ZNF385B: variants seen among roughly 807,000 people sequenced by gnomAD.
ZNF385B encodes zinc finger protein 385B, also known as zinc finger protein 533.
A neutral mutation model predicts 39.2 loss-of-function variants in ZNF385B; 23 were observed. The ratio of observed to expected loss-of-function variants is 0.59; its 90% CI spans 0.42 to 0.83. The LOEUF (loss-of-function observed/expected upper bound fraction) is 0.83, where lower values mean the gene tolerates loss of function less well. Ranked by LOEUF, ZNF385B falls within the 40% of genes least tolerant of loss-of-function variation. The pLI is 0.00. For missense variants in ZNF385B, 552 were observed against 598.9 expected (o/e 0.92, Z 0.82); for synonymous variants, 205 against 222.6 (o/e 0.92, Z 0.70).
chr2:179,856,185 A>C (rs563484650), intron 1 of ZNF385B, among the ~76,000 whole-genome samples: 69 of 152,268 alleles, frequency 4.5e-4, no homozygotes, highest in African/African-American at 1.5e-3. Flanking sequence ...GGGAATATTC[A>C]TTTTCTTAAG....
intron 3 of ZNF385B, among the ~76,000 whole-genome samples, chr2:179,616,493 C>T (rs930844425): frequency 2.6e-5 from 4 of 151,918 alleles, no homozygotes; most frequent in Admixed American, 1.3e-4. Flanking sequence ...GTCACCACGC[C>T]GGGCTAATTT....
chr2:179,691,775 C>T (rs1015948400), intron 3 of ZNF385B, among the ~76,000 whole-genome samples: 1 of 151,944 alleles, frequency 6.6e-6, no homozygotes, highest in African/African-American at 2.4e-5. Flanking sequence ...CACATTTAAA[C>T]TAAAAATTAT....
chr2:179,470,018 G>A (rs111612390), intron 6 of ZNF385B, among the ~76,000 whole-genome samples: 127 of 152,266 alleles, frequency 8.3e-4, no homozygotes, highest in African/African-American at 2.6e-3. Flanking sequence ...ACAAGCGGCC[G>A]CCTGAACTTT....
intron 3 of ZNF385B, among the ~76,000 whole-genome samples, chr2:179,734,638 C>A (rs1039566418): frequency 6.6e-6 from 1 of 152,094 alleles, no homozygotes; most frequent in Admixed American, 6.5e-5. Context: ...TATCATATGC[C>A]AGGTATTATA....
chr2:179,594,631 T>C (rs1007883366), intron 3 of ZNF385B, among the ~76,000 whole-genome samples: 1 of 152,180 alleles, frequency 6.6e-6, no homozygotes, highest in African/African-American at 2.4e-5. Context: ...AAGCCCATTA[T>C]ATGCTGATGT....
At chr2:179,842,595 G>A (rs929798150) in intron 1 of ZNF385B, among the ~76,000 whole-genome samples, 3 of 152,022 alleles carry the variant, frequency 2.0e-5, no homozygotes, top group Non-Finnish European at 4.4e-5. Context: ...GAGTTTCCTT[G>A]TAAGATTTTA....
chr2:179,753,150 A>G (rs554978419), intron 3 of ZNF385B, among the ~76,000 whole-genome samples: 1 of 152,314 alleles, frequency 6.6e-6, no homozygotes, highest in African/African-American at 2.4e-5. Context: ...CTTTCTACAT[A>G]TGGTTAGCCA....
intron 1 of ZNF385B, among the ~76,000 whole-genome samples, chr2:179,800,519 C>A (rs1279146592): frequency 6.6e-6 from 1 of 152,014 alleles, no homozygotes; most frequent in Non-Finnish European, 1.5e-5. Context: ...CCTAAGCTCA[C>A]ATGTAAAAAT....
At chr2:179,724,069 G>T (rs1700854555) in intron 3 of ZNF385B, among the ~76,000 whole-genome samples, 1 of 152,140 alleles carries the variant, frequency 6.6e-6, no homozygotes, top group Non-Finnish European at 1.5e-5. Flanking sequence ...AGCACTTTGG[G>T]AGGCCAACGC....
chr2:179,790,160 A>T (rs1705240358), intron 1 of ZNF385B, among the ~76,000 whole-genome samples: 2 of 152,212 alleles, frequency 1.3e-5, no homozygotes, highest in Admixed American at 1.3e-4. Context: ...TATGGATCTC[A>T]GTTCCTTCCA....
At chr2:179,454,355 A>C (rs187090862) in intron 6 of ZNF385B, among the ~76,000 whole-genome samples, 1 of 152,284 alleles carries the variant, frequency 6.6e-6, no homozygotes, top group East Asian at 1.9e-4. Context: ...GTGTGAACAA[A>C]CCTACTGTGC....
At chr2:179,563,001 G>T (rs1684108542) in intron 3 of ZNF385B, among the ~76,000 whole-genome samples, 1 of 152,130 alleles carries the variant, frequency 6.6e-6, no homozygotes, top group African/African-American at 2.4e-5. Flanking sequence ...TAGGCCTGAA[G>T]AATTTGTTTC....
At chr2:179,493,427 A>C (rs1291198531) in intron 5 of ZNF385B, among the ~76,000 whole-genome samples, 3 of 151,636 alleles carry the variant, frequency 2.0e-5, no homozygotes, top group African/African-American at 7.2e-5. Context: ...GCATGTGTAC[A>C]TATATGTACG....
chr2:179,565,667 ATGCG>A (rs1413341203), intron 3 of ZNF385B, among the ~76,000 whole-genome samples: 2 of 152,186 alleles, frequency 1.3e-5, no homozygotes, highest in Non-Finnish European at 2.9e-5. Context: ...TACACACTTT[ATGCG>A]TTCTATCACT....
chr2:179,533,896 T>C (rs1048536803), intron 4 of ZNF385B, among the ~76,000 whole-genome samples: 1 of 152,196 alleles, frequency 6.6e-6, no homozygotes, highest in African/African-American at 2.4e-5. Flanking sequence ...GGGACACAGC[T>C]CTCAGGTTCA....
At chr2:179,512,241 T>TTAA (rs1261412474) in intron 5 of ZNF385B, among the ~76,000 whole-genome samples, 3 of 152,074 alleles carry the variant, frequency 2.0e-5, no homozygotes, top group Admixed American at 6.6e-5. Flanking sequence ...GAGATCAATA[T>TTAA]TAATAATAAT....
At chr2:179,857,943 T>C (rs1293892424) in intron 1 of ZNF385B, among the ~76,000 whole-genome samples, 1 of 152,014 alleles carries the variant, frequency 6.6e-6, no homozygotes. Context: ...GGGTCTTCAC[T>C]GTTTGAGGAG....
intron 3 of ZNF385B, among the ~76,000 whole-genome samples, chr2:179,727,090 T>C (rs1164594521): frequency 6.6e-6 from 1 of 152,026 alleles, no homozygotes; most frequent in Non-Finnish European, 1.5e-5. Flanking sequence ...ACTATAGCGA[T>C]GAGTTCAGAT....
At chr2:179,493,462 C>CAT (rs1407197394) in intron 5 of ZNF385B, among the ~76,000 whole-genome samples, 6 of 116,632 alleles carry the variant, frequency 5.1e-5, no homozygotes, top group African/African-American at 1.8e-4. Flanking sequence ...CATGTGTGTA[C>CAT]ATATATGCAT....
Sources: gnomAD v4.1 joint callset for allele counts (sites outside exome capture counted in the v4.1 genomes callset) on GRCh38, gnomAD v4.1.1 for gene constraint, MANE v1.5 for transcripts, NCBI Gene and HGNC (gene_info 2026-07-23, HGNC 2026-07-21) for gene names.